Variants in TEAD4 observed in about 807,000 individuals in gnomAD.
TEAD4 encodes the protein TEA domain transcription factor 4.
A neutral mutation model predicts 52.4 loss-of-function variants in TEAD4; 36 were observed. The observed-to-expected ratio is 0.69, with a 90% CI of 0.53 to 0.91. TEAD4 has a LOEUF of 0.91. Ranked by LOEUF, TEAD4 falls within the 40% of genes least tolerant of loss-of-function variation. TEAD4 has a pLI of 0.00. For synonymous variants in TEAD4, 220 were observed against 231.0 expected (o/e 0.95, Z 0.43); for missense variants, 508 against 583.9 (o/e 0.87, Z 1.34).
chr12:3,022,534 A>C lies in TEAD4; in HGVS notation c.897+517A>C, dbSNP rs184584947. 1.8e-4 allele frequency among the ~76,000 whole-genome samples: 27 copies of C among 152,284 alleles called. No homozygotes were observed. In the East Asian group the frequency reaches 5.0e-3, roughly 28 times the overall value. ...CTGCCCCAGGGCGAGGCCACCCCAC[A>C]AGAAACACCCACCCAGCTTCTCAGA... On this transcript the variant is annotated intron_variant, in intron 10 of 12. Coordinates refer to ENST00000359864, the MANE Select transcript of TEAD4 (RefSeq NM_003213.4).
At chr12:3,034,957 C>T (rs969558846) in intron 10 of TEAD4, among the ~76,000 whole-genome samples, 1 of 151,744 alleles carries the variant, frequency 6.6e-6, no homozygotes, top group South Asian at 2.1e-4. Context: ...AAAAACTAGC[C>T]GAGCGTGGTG....
At chr12:3,016,186 C>G (rs1339033019) in intron 5 of TEAD4, among the ~76,000 whole-genome samples, 1 of 152,046 alleles carries the variant, frequency 6.6e-6, no homozygotes, top group Non-Finnish European at 1.5e-5. Context: ...CACCACCACA[C>G]CTGGCTAATT....
intron 10 of TEAD4, among the ~76,000 whole-genome samples, chr12:3,033,965 T>C (rs891516824): frequency 2.0e-5 from 3 of 151,298 alleles, no homozygotes; most frequent in African/African-American, 7.4e-5. Context: ...GGGCGGTTCG[T>C]CCGTGTCGCC....
At chr12:3,014,437 A>C (rs2098262737) in intron 5 of TEAD4, among the ~76,000 whole-genome samples, 1 of 152,164 alleles carries the variant, frequency 6.6e-6, no homozygotes. Context: ...AAAATATGCA[A>C]ATTTTCATGT....
At chr12:3,014,358 T>C (rs2098262688) in intron 5 of TEAD4, among the ~76,000 whole-genome samples, 1 of 152,268 alleles carries the variant, frequency 6.6e-6, no homozygotes, top group Non-Finnish European at 1.5e-5. Flanking sequence ...CCACAGGTTC[T>C]GACCTGGGGC....
chr12:3,027,184 G>A (rs1407648970), intron 10 of TEAD4, among the ~76,000 whole-genome samples: 1 of 152,016 alleles, frequency 6.6e-6, no homozygotes, highest in Non-Finnish European at 1.5e-5. Context: ...TAGAGAGAGG[G>A]GTTTCGCTAT....
intron 5 of TEAD4, among the ~76,000 whole-genome samples, chr12:3,012,815 T>C (rs1367789613): frequency 6.6e-5 from 10 of 152,184 alleles, no homozygotes; most frequent in Non-Finnish European, 8.8e-5. Context: ...TCTGGGACCC[T>C]GGAACCAGGG....
At chr12:3,008,658 A>T (rs560183275) in intron 3 of TEAD4, among the ~76,000 whole-genome samples, 55 of 152,140 alleles carry the variant, frequency 3.6e-4, no homozygotes, top group African/African-American at 1.3e-3. Context: ...TGAATTCTGG[A>T]TATGTTTTGG....
intron 11 of TEAD4, among the ~76,000 whole-genome samples, chr12:3,039,267 A>T (rs1045383712): frequency 6.6e-6 from 1 of 152,132 alleles, no homozygotes; most frequent in African/African-American, 2.4e-5. Context: ...CAAATTATTT[A>T]TTTCTAATTA....
rs1441684016 is a variant in TEAD4, at chr12:3,038,035, G to T, written c.965G>T (p.Ser322Ile). The stretch of plus-strand genomic sequence containing the variant: ...TATGGGGTCTCCAGCCAGTATGAGA[G>T]CCCCGAGAACATGATCATCACCTGC... Residue 322 changes from serine to isoleucine, a missense_variant, in exon 11 of 13, where the codon AGC becomes ATC. Transcript: ENST00000359864. The T allele has an allele frequency of 6.2e-7, 1 of 1,614,052 alleles. No individual in the cohort carries two copies.
At chr12:2,991,637 G>C (rs2098243030) in intron 2 of TEAD4, among the ~76,000 whole-genome samples, 1 of 152,102 alleles carries the variant, frequency 6.6e-6, no homozygotes, top group Non-Finnish European at 1.5e-5. Context: ...CCACCAGCCT[G>C]AGTGAAAGAG....
intron 11 of TEAD4, among the ~76,000 whole-genome samples, chr12:3,038,911 G>A (rs1305618946): frequency 6.6e-6 from 1 of 152,220 alleles, no homozygotes; most frequent in East Asian, 1.9e-4. Context: ...CAAAGCACCT[G>A]TGGACTCTGA....
intron 2 of TEAD4, among the ~76,000 whole-genome samples, chr12:2,962,922 C>A (rs891028935): frequency 6.6e-6 from 1 of 152,144 alleles, no homozygotes; most frequent in Non-Finnish European, 1.5e-5. Flanking sequence ...TGCTTGTACA[C>A]CCCCTACTCC....
At chr12:2,971,384 T>C (rs1221870773) in intron 2 of TEAD4, among the ~76,000 whole-genome samples, 1 of 152,118 alleles carries the variant, frequency 6.6e-6, no homozygotes, top group Non-Finnish European at 1.5e-5. Flanking sequence ...GAAAATGTGA[T>C]TTGAGGGCTA....
chr12:3,000,724 G>T (rs994144332), intron 3 of TEAD4, among the ~76,000 whole-genome samples: 6 of 152,166 alleles, frequency 3.9e-5, no homozygotes, highest in Admixed American at 3.3e-4. Context: ...TCACATGGTG[G>T]GTTTGGGGGA....
chr12:2,974,583 TGGAGTCCTACTTTCCC>T (rs1168833734), intron 2 of TEAD4, among the ~76,000 whole-genome samples: 1 of 152,172 alleles, frequency 6.6e-6, no homozygotes, highest in Non-Finnish European at 1.5e-5. Flanking sequence ...AGGGCAGAGC[TGGAGTCCTACTTTCCC>T]GGAGCTCCTA....
intron 2 of TEAD4, among the ~76,000 whole-genome samples, chr12:2,969,880 C>T (rs2098223684): frequency 6.6e-6 from 1 of 152,146 alleles, no homozygotes; most frequent in Non-Finnish European, 1.5e-5. Flanking sequence ...GTGCAGACTC[C>T]AGAGTGGTGC....
chr12:2,976,973 G>A (rs1030412656), intron 2 of TEAD4, among the ~76,000 whole-genome samples: 1 of 152,178 alleles, frequency 6.6e-6, no homozygotes, highest in African/African-American at 2.4e-5. Flanking sequence ...TTGCTAGCCT[G>A]CAGGCCTCCT....
chr12:3,010,199 C>T (rs1421192954), intron 3 of TEAD4, among the ~76,000 whole-genome samples: 1 of 152,270 alleles, frequency 6.6e-6, no homozygotes, highest in Non-Finnish European at 1.5e-5. Flanking sequence ...ACGTCCCTGT[C>T]CGTAGCACCC....
Sources: gnomAD v4.1 joint callset for allele counts (sites outside exome capture counted in the v4.1 genomes callset) on GRCh38, gnomAD v4.1.1 for gene constraint, MANE v1.5 for transcripts, NCBI Gene and HGNC (gene_info 2026-07-23, HGNC 2026-07-21) for gene names.